The following DPP6 variants were observed in gnomAD, a reference collection of about 807,000 sequenced individuals.
DPP6 encodes dipeptidyl peptidase like 6.
In DPP6, 69 loss-of-function variants were observed where a neutral mutation model predicts 122.6. The ratio of observed to expected loss-of-function variants is 0.56; its 90% CI spans 0.46 to 0.69. DPP6 has a LOEUF of 0.69. Among genes scored for constraint, DPP6 ranks in the 30% least tolerant of loss-of-function variants. The pLI is 0.00. For synonymous variants in DPP6, 418 were observed against 433.1 expected, an observed-to-expected ratio of 0.97 and a Z score of 0.43; for missense variants, 928 against 1,116.9, an observed-to-expected ratio of 0.83 and a Z score of 2.41.
intron 3 of DPP6, among the ~76,000 whole-genome samples, chr7:154,532,509 T>C (rs1486954395): frequency 6.6e-6 from 1 of 151,980 alleles, no homozygotes; most frequent in Non-Finnish European, 1.5e-5. Context: ...CTTTCTGAAG[T>C]AGAATACAGA....
intron 1 of DPP6, among the ~76,000 whole-genome samples, chr7:154,256,063 A>G (rs1323444309): frequency 6.6e-6 from 1 of 152,194 alleles, no homozygotes; most frequent in Non-Finnish European, 1.5e-5. Context: ...AATGAAGCAA[A>G]ACTGTAATTG....
rs557130943 is a variant in DPP6 at position 154,707,690 on chromosome 7, G to A, written c.763-20077G>A. On this transcript the variant is annotated intron_variant, in intron 7 of 25. Transcript: ENST00000377770. ...CTCCTCTGTATTAGTCTGTTACCACGCTGCTAATAAAGAGATACCTGAGAC... is the reference window on the plus strand; with the variant it reads ...CTCCTCTGTATTAGTCTGTTACCACACTGCTAATAAAGAGATACCTGAGAC... Among the ~76,000 whole-genome samples, 17 of 152,228 alleles carry A rather than the reference G, an allele frequency of 1.1e-4. No individual in the cohort carries two copies. The South Asian group carries it at 2.9e-3, about 26-fold the overall frequency.
chr7:154,151,022 A>T (rs1334090763), intron 1 of DPP6, among the ~76,000 whole-genome samples: 1 of 152,166 alleles, frequency 6.6e-6, no homozygotes, highest in South Asian at 2.1e-4. Context: ...CCAGATCTGT[A>T]GACTGTCATC....
chr7:153,831,816 A>G, the DPP6 span, among the ~76,000 whole-genome samples: 2 of 152,180 alleles, frequency 1.3e-5, no homozygotes, highest in African/African-American at 4.8e-5. Context: ...CAAAGACCAG[A>G]GAGGGAAGAA....
chr7:154,041,544 G>A (rs1367654681), intron 1 of DPP6, among the ~76,000 whole-genome samples: 2 of 152,186 alleles, frequency 1.3e-5, no homozygotes, highest in Non-Finnish European at 2.9e-5. Context: ...CTATCCTGGT[G>A]CAAGAGCCAG....
intron 16 of DPP6, among the ~76,000 whole-genome samples, chr7:154,832,479 G>A (rs1050261151): frequency 1.3e-5 from 2 of 152,150 alleles, no homozygotes; most frequent in African/African-American, 4.8e-5. Context: ...GCTGCTGGAA[G>A]CCCAGGAGCT....
chr7:154,892,658 G>T lies in DPP6; in HGVS notation c.*178G>T, dbSNP rs749331794. 7.6e-7 allele frequency: 1 copy of T among 1,320,108 alleles called. No homozygotes were observed. 81.8% of individuals were successfully genotyped at this position (1,320,108 alleles called of 1,614,324 possible). A position where few individuals can be genotyped will look rare whatever the true frequency, so the allele number is the denominator to read the frequency against. On this transcript the variant is annotated 3_prime_UTR_variant, in exon 26 of 26. Transcript: ENST00000377770. ...TTGGGAAACAAGCTCCTTCCCCGGG[G>T]TCATCACTCACGGCCTCCATGGCAC...
chr7:153,893,225 T>C (rs1799279736), intron 1 of DPP6, among the ~76,000 whole-genome samples: 2 of 152,226 alleles, frequency 1.3e-5, no homozygotes, highest in South Asian at 2.1e-4. Context: ...AACATATAAA[T>C]GTACTAAATT....
chr7:154,061,485 G>A (rs1156409982), intron 1 of DPP6, among the ~76,000 whole-genome samples: 1 of 147,158 alleles, frequency 6.8e-6, no homozygotes, highest in East Asian at 1.9e-4. Context: ...GAGGGCCTTG[G>A]CAGCAACTGC....
At chr7:154,040,200 A>G (rs1799688806) in intron 1 of DPP6, among the ~76,000 whole-genome samples, 1 of 141,148 alleles carries the variant, frequency 7.1e-6, no homozygotes, top group South Asian at 2.2e-4. Context: ...TTGTTTTGCA[A>G]AGATAGAGGT....
At chr7:153,943,503 A>G (rs536667040) in intron 1 of DPP6, among the ~76,000 whole-genome samples, 1 of 151,958 alleles carries the variant, frequency 6.6e-6, no homozygotes, top group African/African-American at 2.4e-5. Context: ...TTTCCTCCCA[A>G]GTAGGGAGGG....
chr7:154,280,071 T>C (rs1804402759), intron 1 of DPP6, among the ~76,000 whole-genome samples: 1 of 152,202 alleles, frequency 6.6e-6, no homozygotes, highest in Admixed American at 6.5e-5. Flanking sequence ...GTTAAACAAT[T>C]GTTTATCCCC....
chr7:154,830,523 C>T (rs541805049), intron 16 of DPP6, among the ~76,000 whole-genome samples: 1 of 152,360 alleles, frequency 6.6e-6, no homozygotes, highest in South Asian at 2.1e-4. Context: ...AGCCCTAGAA[C>T]AATTTGACTG....
chr7:154,764,073 C>A (rs764921239), intron 8 of DPP6, among the ~76,000 whole-genome samples: 2 of 152,120 alleles, frequency 1.3e-5, no homozygotes, highest in Non-Finnish European at 2.9e-5. Context: ...GCATCTTAGG[C>A]CTTGGATGTC....
Position 154,602,457 on chromosome 7 carries a change from G to T in DPP6, c.628-35364G>T, listed in dbSNP as rs917885067. On this transcript the variant is annotated intron_variant, in intron 5 of 25. Transcript: ENST00000377770. The stretch of plus-strand genomic sequence containing the variant: ...TTTTGAGATGGAGTCTCGTTCTGTT[G>T]CCCAGGCTAGAGTGCAATGGCACGA... Among the ~76,000 whole-genome samples, 2 of 120,498 alleles carry T rather than the reference G, an allele frequency of 1.7e-5. 1 individual carries two copies. The highest frequency in any genetic ancestry group is 3.7e-5 in the Non-Finnish European group (2 of 53,524). 79.1% of individuals were successfully genotyped at this position (120,498 alleles called of 152,430 possible). A position where few individuals can be genotyped will look rare whatever the true frequency, so the allele number is the denominator to read the frequency against.
At chr7:153,803,853 A>C in the DPP6 span, among the ~76,000 whole-genome samples, 68 of 149,870 alleles carry the variant, frequency 4.5e-4, 1 homozygote. Flanking sequence ...ACACACACAC[A>C]CATATATATA....
chr7:154,565,167 GAC>G (rs201650031), intron 4 of DPP6, among the ~76,000 whole-genome samples: 2 of 152,160 alleles, frequency 1.3e-5, no homozygotes, highest in East Asian at 1.9e-4. Context: ...TAAAAAGAAA[GAC>G]ACATAAAACA....
At chr7:154,178,517 GAA>G in intron 1 of DPP6, among the ~76,000 whole-genome samples, 2 of 139,948 alleles carry the variant, frequency 1.4e-5, no homozygotes, top group South Asian at 4.7e-4. Flanking sequence ...AAAAAATCCT[GAA>G]AAAAAAAAAA....
At chr7:154,888,088 T>G (rs1472330413) in intron 23 of DPP6, among the ~76,000 whole-genome samples, 1 of 67,688 alleles carries the variant, frequency 1.5e-5, no homozygotes, top group Non-Finnish European at 2.5e-5. Context: ...GAGAGTGAGC[T>G]TTTTTTTTTT....
Sources: allele counts gnomAD v4.1 joint callset (sites outside exome capture counted in the v4.1 genomes callset), GRCh38; gene constraint gnomAD v4.1.1; transcripts MANE v1.5; gene names NCBI Gene and HGNC (gene_info 2026-07-23, HGNC 2026-07-21).